The following MED9 variants were observed in gnomAD, a reference collection of about 807,000 sequenced individuals.
MED9 encodes the protein mediator of RNA polymerase II transcription subunit 9.
In MED9, 8 loss-of-function variants were observed where a neutral mutation model predicts 13.2. The ratio of observed to expected loss-of-function variants is 0.61; its 90% CI spans 0.36 to 1.10. The LOEUF (loss-of-function observed/expected upper bound fraction) is 1.10, where lower values mean the gene tolerates loss of function less well. Among genes scored for constraint, MED9 ranks in the 50% least tolerant of loss-of-function variants. The pLI is 0.02. For missense variants in MED9, 180 were observed against 193.4 expected, an observed-to-expected ratio of 0.93 and a Z score of 0.41; for synonymous variants, 87 against 82.8, an observed-to-expected ratio of 1.05 and a Z score of -0.28.
chr17:17,480,679 C>CAG (rs891784125), intron 1 of MED9, among the ~76,000 whole-genome samples: 3 of 151,558 alleles, frequency 2.0e-5, no homozygotes, highest in South Asian at 4.2e-4. Context: ...AGAGAGGAGA[C>CAG]AGAGAGAGAG....
intron 1 of MED9, 178 bp downstream of exon 1, chr17:17,477,443 G>A: frequency 1.5e-6 from 1 of 659,092 alleles, no homozygotes; most frequent in Non-Finnish European, 2.5e-6. Context: ...CATGAGTTAA[G>A]CAAACGATTT....
intron 1 of MED9, among the ~76,000 whole-genome samples, chr17:17,481,525 A>G (rs1905033642): frequency 6.6e-6 from 1 of 152,242 alleles, no homozygotes; most frequent in Non-Finnish European, 1.5e-5. Flanking sequence ...TCTGGGAATT[A>G]CATATGAATG....
chr17:17,485,138 C>T (rs1009277515), intron 1 of MED9: 1 of 337,778 alleles, frequency 3.0e-6, no homozygotes, highest in Non-Finnish European at 5.3e-6. Flanking sequence ...CTCAGCCTCC[C>T]AAGTAGCTGG....
At chr17:17,486,364 A>G (rs1366938778) in intron 1 of MED9, 1 of 152,832 alleles carries the variant, frequency 6.5e-6, no homozygotes, top group Non-Finnish European at 1.5e-5. Context: ...GAGAGGCGCG[A>G]GCGGGAACCA....
At chr17:17,488,822 A>G (rs983493168) in intron 1 of MED9, among the ~76,000 whole-genome samples, 3 of 150,222 alleles carry the variant, frequency 2.0e-5, no homozygotes, top group African/African-American at 7.4e-5. Flanking sequence ...AACGAGTAAA[A>G]CTCTGTCTCA....
At chr17:17,489,471 CAT>C (rs749667936) in intron 1 of MED9, among the ~76,000 whole-genome samples, 1 of 152,174 alleles carries the variant, frequency 6.6e-6, no homozygotes. Flanking sequence ...CTTTGAGACT[CAT>C]GTGAGTCGGT....
chr17:17,482,109 T>C (rs73292351), intron 1 of MED9, among the ~76,000 whole-genome samples: 11,601 of 152,264 alleles, frequency 0.076, 901 homozygotes, highest in African/African-American at 0.2. Flanking sequence ...TGCTGTCGTT[T>C]ATGTAAACAG....
chr17:17,485,040 C>T (rs1287358071), intron 1 of MED9: 2 of 238,834 alleles, frequency 8.4e-6, no homozygotes, highest in African/African-American at 4.5e-5. Context: ...GAGTCTCACT[C>T]TGTCGCCCAG....
intron 1 of MED9, among the ~76,000 whole-genome samples, chr17:17,482,278 A>ACAT (rs1447442568): frequency 6.6e-6 from 1 of 152,190 alleles, no homozygotes; most frequent in Admixed American, 6.6e-5. Context: ...GGTCACTATG[A>ACAT]GCAAAGAATG....
Position 17,477,284 on chromosome 17 carries a change from A to G in MED9, c.224+19A>G. On this transcript the variant is annotated intron_variant, in intron 1 of 1. Transcript: ENST00000268711. ...TCAAATGGTAAGAACCTAGGAGAGG[A>G]CCAGGCCCCATACTCCCTCCAGCTT... is the stretch of plus-strand genomic sequence containing the variant. 1 of 1,559,792 alleles carries G rather than the reference A, an allele frequency of 6.4e-7. No individual in the cohort carries two copies. The highest frequency in any genetic ancestry group is 8.7e-7 in the Non-Finnish European group (1 of 1,150,068).
At chr17:17,479,947 A>G (rs758060017) in intron 1 of MED9, among the ~76,000 whole-genome samples, 2 of 152,200 alleles carry the variant, frequency 1.3e-5, no homozygotes, top group Non-Finnish European at 2.9e-5. Context: ...CTCTAGTGCA[A>G]GGACCCCCTG....
At chr17:17,479,114 G>A (rs1024513812) in intron 1 of MED9, among the ~76,000 whole-genome samples, 1 of 152,218 alleles carries the variant, frequency 6.6e-6, no homozygotes, top group African/African-American at 2.4e-5. Context: ...CCCTGGTAGA[G>A]CAGCTGGGTT....
At position 17,491,343 on chromosome 17, in the gene MED9, A is replaced by G; in HGVS notation, c.289A>G (p.Met97Val). 1 of 1,614,014 alleles carries G rather than the reference A, an allele frequency of 6.2e-7. No homozygotes were observed. Among genetic ancestry groups the G allele is most frequent in the Non-Finnish European group, 8.5e-7 (1 of 1,180,036 alleles). Residue 97 changes from methionine to valine, a missense_variant, in exon 2 of 2, where the codon ATG becomes GTG. Coordinates refer to ENST00000268711, the MANE Select transcript of MED9 (RefSeq NM_018019.3). ...CGCCCTCAAAAGCAAGTTCCAGGAG[A>G]TGCGCAAGCTCATCAGCACCATGCC... ...LNALKSKFQEMRKLISTMPGI... is the reference protein window; with the variant it reads ...LNALKSKFQEVRKLISTMPGI...
intron 1 of MED9, among the ~76,000 whole-genome samples, 176 bp from the exon 2 acceptor site, chr17:17,491,103 A>G (rs1367699226): frequency 1.3e-5 from 2 of 152,170 alleles, no homozygotes; most frequent in Non-Finnish European, 2.9e-5. Flanking sequence ...CCAGCTGCCT[A>G]AAAAAGAACC....
intron 1 of MED9, among the ~76,000 whole-genome samples, chr17:17,489,264 C>T (rs1236410019): frequency 5.9e-5 from 9 of 152,214 alleles, no homozygotes; most frequent in Non-Finnish European, 1.3e-4. Flanking sequence ...AAGACTGTCT[C>T]CTTTCCTGAA....
Position 17,479,492 on chromosome 17 carries a change from C to A in MED9, c.224+2227C>A, listed in dbSNP as rs1033375201. ...TTGATCACATGTGCTTGTCTCTGTT[C>A]CATCTAAAAGGACAGAGAAGGGAGT... is the stretch of plus-strand genomic sequence containing the variant. On this transcript the variant is annotated intron_variant, in intron 1 of 1. Coordinates refer to ENST00000268711, the MANE Select transcript of MED9 (RefSeq NM_018019.3). Among the ~76,000 whole-genome samples, 6 of 150,000 alleles carry A rather than the reference C, an allele frequency of 4.0e-5. No individual in the cohort carries two copies. In the South Asian group the frequency reaches 1.3e-3, roughly 32 times the overall value.
At chr17:17,491,245 G>T (rs1277265294) in intron 1 of MED9, 34 bp from the exon 2 acceptor site, 1 of 1,583,100 alleles carries the variant, frequency 6.3e-7, no homozygotes, top group African/African-American at 1.3e-5. Context: ...CGTGTATCAA[G>T]CTGTGAATGC....
At position 17,477,045 on chromosome 17, in the gene MED9, G is replaced by A. The variant is rs777927168; in HGVS notation, c.4G>A (p.Ala2Thr). The A allele has an allele frequency of 6.2e-7, 1 of 1,605,784 alleles. No individual in the cohort carries two copies. The highest frequency in any genetic ancestry group is 2.2e-5 in the East Asian group (1 of 44,828). ...TGGCTAACCTACCCCCGGAGCCATG[G>A]CCTCTGCTGGGGTGGCAGCCGGGCG... M[A>T]SAGVAAGRQA... is the part of the protein sequence containing the mutation. The change falls in exon 1 of 2, where the codon GCC becomes ACC. Residue 2 changes from alanine (A) to threonine (T), a missense_variant. Transcript: ENST00000268711.
At position 17,492,627 on chromosome 17, in the gene MED9, T is replaced by C. The variant is rs1235384665; in HGVS notation, c.*1132T>C. 2.0e-5 allele frequency: 3 copies of C among 152,222 alleles called. No individual in the cohort carries two copies. Among genetic ancestry groups the C allele is most frequent in the Non-Finnish European group, 2.9e-5 (2 of 68,044 alleles). The allele number at this position is 152,222 out of a possible 1,614,324, so 9.4% of individuals were successfully genotyped here. ...TGTGTGCTCTCCCTTGACTGTCAGA[T>C]TGAAGTAAGAGCAGTTCTCTCCGTT... On this transcript the variant is annotated 3_prime_UTR_variant, in exon 2 of 2. Coordinates refer to ENST00000268711, the MANE Select transcript of MED9 (RefSeq NM_018019.3).
Sources: allele counts gnomAD v4.1 joint callset (sites outside exome capture counted in the v4.1 genomes callset), GRCh38; gene constraint gnomAD v4.1.1; transcripts MANE v1.5; gene names NCBI Gene and HGNC (gene_info 2026-07-23, HGNC 2026-07-21).